C8A: variants seen among roughly 807,000 people sequenced by gnomAD.
C8A encodes complement component C8 alpha chain.
In C8A, 67 loss-of-function variants were observed where a neutral mutation model predicts 65.3. The observed-to-expected ratio is 1.03, with a 90% CI of 0.84 to 1.26. C8A has a LOEUF of 1.26. Among genes scored for constraint, C8A ranks in the 50% most tolerant of loss-of-function variants. C8A has a pLI of 0.00. For missense variants in C8A, 781 were observed against 723.9 expected, an observed-to-expected ratio of 1.08 and a Z score of -0.90; for synonymous variants, 290 against 259.4, an observed-to-expected ratio of 1.12 and a Z score of -1.13.
chr1:56,876,302 AG>A, intron 4 of C8A, 93 bp downstream of exon 4: 1 of 1,498,880 alleles, frequency 6.7e-7, no homozygotes, highest in Admixed American at 1.7e-5. Flanking sequence ...GCCATTTTGG[AG>A]GGTTCCTCTG....
chr1:56,877,789 A>G (rs1310334052), intron 4 of C8A, among the ~76,000 whole-genome samples: 1 of 152,096 alleles, frequency 6.6e-6, no homozygotes, highest in Admixed American at 6.6e-5. Flanking sequence ...CAGCCCACCC[A>G]AGGACAAGTG....
rs115650791 is a variant in C8A, at chr1:56,890,707, G to T, written c.1096+4540G>T. Among the ~76,000 whole-genome samples the T allele has an allele frequency of 2.9e-3, 444 of 152,092 alleles. 4 individuals are homozygous for T. The highest frequency in any genetic ancestry group is 0.01 in the African/African-American group (426 of 41,498). On this transcript the variant is annotated intron_variant, in intron 7 of 10. Coordinates refer to ENST00000361249, the MANE Select transcript of C8A (RefSeq NM_000562.3). ...TCTCTGGCACTCCAAGCTTACTATA[G>T]TCTAGAGTCTTTGTATTAGCCGTCT...
At chr1:56,878,602 GC>G (rs1389861442) in intron 4 of C8A, among the ~76,000 whole-genome samples, 1 of 151,940 alleles carries the variant, frequency 6.6e-6, no homozygotes, top group Non-Finnish European at 1.5e-5. Flanking sequence ...GATCTCAAAG[GC>G]CTTCCTTTCT....
At chr1:56,867,164 G>T (rs1644097245) in intron 1 of C8A, among the ~76,000 whole-genome samples, 1 of 152,064 alleles carries the variant, frequency 6.6e-6, no homozygotes, top group East Asian at 1.9e-4. Flanking sequence ...AACCCTTTTA[G>T]GTAATGTTTT....
intron 5 of C8A, among the ~76,000 whole-genome samples, chr1:56,882,178 C>G (rs1644253538): frequency 6.6e-6 from 1 of 152,168 alleles, no homozygotes; most frequent in Non-Finnish European, 1.5e-5. Context: ...CACTAAGACT[C>G]TCTCCATCTC....
Position 56,906,688 on chromosome 1 carries a change from C to A in C8A, c.1118C>A (p.Thr373Lys), listed in dbSNP as rs766402054. The A allele has an allele frequency of 6.2e-7, 1 of 1,613,944 alleles. No homozygotes were observed. Among genetic ancestry groups the A allele is most frequent in the Non-Finnish European group, 8.5e-7 (1 of 1,179,904 alleles). The change falls in exon 8 of 11, where the codon ACG becomes AAG. Residue 373 changes from threonine to lysine, a missense_variant. Physicochemically the swap from Thr to Lys is moderately conservative, Grantham distance 78 (BLOSUM62 -1). Coordinates refer to ENST00000361249, the MANE Select transcript of C8A (RefSeq NM_000562.3). ...ESLGITSRDITTCFGGSLGIQ... is the reference protein window; with the variant it reads ...ESLGITSRDIKTCFGGSLGIQ... ...GCAGGTATTACCAGCAGAGATATCA[C>A]GACATGTTTTGGAGGCTCCTTGGGC...
intron 6 of C8A, among the ~76,000 whole-genome samples, chr1:56,885,546 T>C (rs563216132): frequency 7.2e-6 from 1 of 139,784 alleles, no homozygotes; most frequent in Non-Finnish European, 1.5e-5. Context: ...TTTGCATCCT[T>C]TCTTTTTTGT....
chr1:56,893,465 C>A (rs1184001718), intron 7 of C8A, among the ~76,000 whole-genome samples: 1 of 152,122 alleles, frequency 6.6e-6, no homozygotes, highest in African/African-American at 2.4e-5. Context: ...TGAGGAACAA[C>A]ACTTAATTTC....
chr1:56,855,932 C>A (rs1643970489), intron 1 of C8A, among the ~76,000 whole-genome samples: 1 of 151,864 alleles, frequency 6.6e-6, no homozygotes, highest in Non-Finnish European at 1.5e-5. Flanking sequence ...TCAGAAAATT[C>A]ATCTGTAATA....
Position 56,867,700 on chromosome 1 carries a change from A to C in C8A, c.169A>C (p.Lys57Gln). 1 of 1,612,580 alleles carries C rather than the reference A, an allele frequency of 6.2e-7. No individual in the cohort carries two copies. The highest frequency in any genetic ancestry group is 8.5e-7 in the Non-Finnish European group (1 of 1,178,722). The change falls in exon 2 of 11, where the codon AAG becomes CAG. Residue 57 changes from lysine to glutamine, a missense_variant and splice_region_variant. Coordinates refer to ENST00000361249, the MANE Select transcript of C8A (RefSeq NM_000562.3). Reference protein sequence around the residue: ...WTDCFPCQDKKYRHRSLLQPN... With the variant: ...WTDCFPCQDKQYRHRSLLQPN... Reference sequence around the variant, plus strand: ...AGATTGCTTTCCGTGCCAGGACAAAAAGGTGAGACACTTACAACCGGTTTG... The same window carrying C: ...AGATTGCTTTCCGTGCCAGGACAAACAGGTGAGACACTTACAACCGGTTTG...
At chr1:56,912,261 T>A (rs1644513862) in intron 9 of C8A, 142 bp from the exon 10 acceptor site, 1 of 693,794 alleles carries the variant, frequency 1.4e-6, no homozygotes, top group African/African-American at 1.8e-5. Context: ...GCTGTGAGGA[T>A]CCAAGGTGGT....
chr1:56,906,882 T>A (rs1414600022), intron 8 of C8A, 90 bp downstream of exon 8: 12 of 1,501,428 alleles, frequency 8.0e-6, no homozygotes, highest in Non-Finnish European at 1.1e-5. Context: ...TTTTTCCCAG[T>A]TGATTGCATT....
chr1:56,893,906 C>T (rs1342226679), intron 7 of C8A, among the ~76,000 whole-genome samples: 2 of 152,130 alleles, frequency 1.3e-5, no homozygotes, highest in Non-Finnish European at 2.9e-5. Flanking sequence ...CTCACTGTAC[C>T]TCAGTTTCCT....
intron 1 of C8A, among the ~76,000 whole-genome samples, chr1:56,855,649 G>A (rs1460788329): frequency 1.4e-5 from 2 of 142,998 alleles, no homozygotes; most frequent in African/African-American, 2.6e-5. Flanking sequence ...TTTTTTTTTT[G>A]GTATCTTAAT....
chr1:56,870,868 T>C (rs896662610), intron 2 of C8A, among the ~76,000 whole-genome samples: 12 of 152,098 alleles, frequency 7.9e-5, no homozygotes, highest in Admixed American at 7.9e-4. Flanking sequence ...TTTCTTCTTC[T>C]CAAAATCATC....
In C8A at chr1:56,880,580, T is replaced by A. The variant is rs182990811; in HGVS notation, c.465-865T>A. 9.1e-3 allele frequency among the ~76,000 whole-genome samples: 1,380 copies of A among 152,234 alleles called. 32 individuals carry two copies. Among genetic ancestry groups the A allele is most frequent in the Admixed American group, 0.051 (774 of 15,268 alleles). On this transcript the variant is annotated intron_variant, in intron 4 of 10. Transcript: ENST00000361249. Reference sequence around the variant, plus strand: ...GACTTTTGAACTGTGCACCCTCCAATGTCCCATGCTGCCTCAAAGATAATG... The same window carrying A: ...GACTTTTGAACTGTGCACCCTCCAAAGTCCCATGCTGCCTCAAAGATAATG...
rs192214671 is a variant in C8A, at chr1:56,869,040, A to T, written c.171+1338A>T. ...CTTTTATTTTTTCATTTTTATTTCA[A>T]TAGTGTTTGGGAAACGTAGGTTTTG... is the stretch of plus-strand genomic sequence containing the variant. On this transcript the variant is annotated intron_variant, in intron 2 of 10. Transcript: ENST00000361249. Among the ~76,000 whole-genome samples, 62 of 152,210 alleles carry T rather than the reference A, an allele frequency of 4.1e-4. 1 individual carries two copies. Among genetic ancestry groups the T allele is most frequent in the Middle Eastern group, 6.8e-3 (2 of 294 alleles).
At chr1:56,887,987 T>A (rs1475774902) in intron 7 of C8A, among the ~76,000 whole-genome samples, 1 of 151,784 alleles carries the variant, frequency 6.6e-6, no homozygotes, top group Non-Finnish European at 1.5e-5. Flanking sequence ...CTGTCGGGGA[T>A]GGGGGGCTAG....
At chr1:56,873,598 A>G (rs1375415328) in intron 2 of C8A, among the ~76,000 whole-genome samples, 2 of 152,170 alleles carry the variant, frequency 1.3e-5, no homozygotes, top group Non-Finnish European at 2.9e-5. Context: ...AAAGTACCAG[A>G]CACTGATACT....
Sources: allele counts gnomAD v4.1 joint callset (sites outside exome capture counted in the v4.1 genomes callset), GRCh38; gene constraint gnomAD v4.1.1; transcripts MANE v1.5; gene names NCBI Gene and HGNC (gene_info 2026-07-23, HGNC 2026-07-21).